Variants in USP34 observed in about 807,000 individuals in gnomAD.
USP34 encodes ubiquitin carboxyl-terminal hydrolase 34.
In USP34, 70 loss-of-function variants were observed where a neutral mutation model predicts 460.3. That is an observed-to-expected ratio of 0.15 (90% CI 0.13 to 0.19). USP34 has a LOEUF of 0.19. Among genes scored for constraint, USP34 ranks in the 10% least tolerant of loss-of-function variants. The pLI is 1.00. For missense variants in USP34, 3,985 were observed against 4,236.2 expected, an observed-to-expected ratio of 0.94 and a Z score of 1.65; for synonymous variants, 1,647 against 1,405.3, an observed-to-expected ratio of 1.17 and a Z score of -3.85.
At position 61,211,799 on chromosome 2, in the gene USP34, C is replaced by G; in HGVS notation, c.8813G>C (p.Gly2938Ala). ...TATTAAAGTAGTCCAGCAGGAGCGG[C>G]CATCTAAGCAACGTAAGTAACAACT... ...TISCYLRCLD[G>A]RSCWTTLISA... The change falls in exon 69 of 80, where the codon GGC becomes GCC. Residue 2938 changes from glycine (G) to alanine (A), a missense_variant. Gly to Ala is a moderately conservative substitution (Grantham distance 60). This residue lies in a region of USP34 where 275 missense variants were observed against 292.7 expected (regional missense o/e 0.94). Transcript: ENST00000398571. 1 of 1,587,122 alleles carries G rather than the reference C, an allele frequency of 6.3e-7. No individual in the cohort carries two copies. Among genetic ancestry groups the G allele is most frequent in the Non-Finnish European group, 8.5e-7 (1 of 1,171,648 alleles).
Position 61,188,551 on chromosome 2 carries a change from G to A in USP34, c.10192C>T (p.Pro3398Ser). Residue 3398 changes from proline (P) to serine (S), a missense_variant, in exon 80 of 80, where the codon CCA (proline) becomes TCA (serine). By Grantham distance (74) the Pro-to-Ser change is moderately conservative. This residue lies in a region of USP34 where 506 missense variants were observed against 439.0 expected (regional missense o/e 1.15). Transcript: ENST00000398571. The stretch of plus-strand genomic sequence containing the variant: ...GAAGGAAGATCTTGCTCAGTTCCTG[G>A]ATCAATAATTGAGGAGTCTCTGGTC... The part of the protein sequence containing the change: ...NETRDSSIID[P>S]GTEQDLPSPE... The A allele has an allele frequency of 6.2e-7, 1 of 1,614,178 alleles. No homozygotes were observed. The highest frequency in any genetic ancestry group is 8.5e-7 in the Non-Finnish European group (1 of 1,180,026).
At chr2:61,226,895 T>C (rs1056040888) in intron 62 of USP34, 172 bp downstream of exon 62, 7 of 779,220 alleles carry the variant, frequency 9.0e-6, no homozygotes, top group South Asian at 6.6e-5. Context: ...GCCACAAGAG[T>C]TGATGAATAG....
intron 34 of USP34, 94 bp downstream of exon 34, chr2:61,288,583 G>T: frequency 1.5e-6 from 2 of 1,319,692 alleles, no homozygotes; most frequent in African/African-American, 1.4e-5. Context: ...TTAAGTCACA[G>T]TAATCTAGAA....
At chr2:61,437,525 G>C (rs1377196704) in intron 1 of USP34, among the ~76,000 whole-genome samples, 1 of 152,072 alleles carries the variant, frequency 6.6e-6, no homozygotes, top group Non-Finnish European at 1.5e-5. Context: ...TGTAATCCCA[G>C]CACTTTGGCA....
At chr2:61,442,092 A>G (rs1229419857) in intron 1 of USP34, among the ~76,000 whole-genome samples, 1 of 152,104 alleles carries the variant, frequency 6.6e-6, no homozygotes, top group Non-Finnish European at 1.5e-5. Context: ...ATGAAACTAT[A>G]CCCTCACTCC....
At chr2:61,428,059 G>A (rs1694561822) in intron 1 of USP34, among the ~76,000 whole-genome samples, 1 of 151,792 alleles carries the variant, frequency 6.6e-6, no homozygotes, top group South Asian at 2.1e-4. Context: ...CAGCTACTTG[G>A]GAGGCTGAGG....
intron 10 of USP34, among the ~76,000 whole-genome samples, chr2:61,359,773 A>G (rs930841489): frequency 6.9e-6 from 1 of 145,434 alleles, no homozygotes; most frequent in African/African-American, 2.5e-5. Context: ...TGAAAAGCCC[A>G]CAGTTGTTTT....
chr2:61,259,753 C>T lies in USP34; in HGVS notation c.5802G>A (p.Lys1934=). The T allele has an allele frequency of 6.2e-7, 1 of 1,613,274 alleles. No homozygotes were observed. The highest frequency in any genetic ancestry group is 8.5e-7 in the Non-Finnish European group (1 of 1,179,900). ...TAKYSEDMKH[K]TTLLELQKMF... ...TTTTCTGAAGCTCCAGAAGAGTGGT[C>T]TTGTGCTTCATATCCTCTGAATACT... The change falls in exon 44 of 80, where the codon AAG becomes AAA. Residue 1934 remains lysine, a synonymous_variant. Transcript: ENST00000398571.
chr2:61,470,776 G>T lies in USP34; in HGVS notation c.-84C>A. The T allele has an allele frequency of 7.9e-7, 1 of 1,260,978 alleles. No individual in the cohort carries two copies. Among genetic ancestry groups the T allele is most frequent in the Non-Finnish European group, 1.1e-6 (1 of 896,542 alleles). 78.1% of individuals were successfully genotyped at this position (1,260,978 alleles called of 1,614,324 possible). On this transcript the variant is annotated 5_prime_UTR_variant, in exon 1 of 80. Transcript: ENST00000398571. ...GCGGGGGGGAGGGGAGAGAGGCGGA[G>T]GAGGGGGCCGGCCGGCCGGCGGGGC...
In USP34 at chr2:61,397,993, C is replaced by G. The variant is rs757492133; in HGVS notation, c.553-2760G>C. ...AAGGCACAAGAATCACTTGAACCCG[C>G]TTGGGGGAGGGGGGTTGCAGTGAGT... On this transcript the variant is annotated intron_variant, in intron 3 of 79. Transcript: ENST00000398571. Among the ~76,000 whole-genome samples the G allele has an allele frequency of 1.8e-4, 27 of 151,980 alleles. 1 individual carries two copies. Among genetic ancestry groups the G allele is most frequent in the African/African-American group, 2.4e-4 (10 of 41,380 alleles).
intron 19 of USP34, among the ~76,000 whole-genome samples, chr2:61,331,789 T>A (rs549462530): frequency 1.1e-4 from 16 of 146,430 alleles, no homozygotes; most frequent in African/African-American, 1.7e-4. Context: ...AAAATTTTTT[T>A]TAAAAAAATC....
At chr2:61,258,671 A>G (rs1688787979) in intron 44 of USP34, among the ~76,000 whole-genome samples, 1 of 152,230 alleles carries the variant, frequency 6.6e-6, no homozygotes, top group South Asian at 2.1e-4. Flanking sequence ...GGTGTGTGCC[A>G]TGGTGATGAG....
At chr2:61,226,412 C>T (rs1687729641) in intron 62 of USP34, among the ~76,000 whole-genome samples, 1 of 152,102 alleles carries the variant, frequency 6.6e-6, no homozygotes, top group Admixed American at 6.5e-5. Flanking sequence ...ATAGGAAATC[C>T]ACAAATAATG....
intron 48 of USP34, among the ~76,000 whole-genome samples, chr2:61,252,514 A>G (rs983884132): frequency 6.6e-6 from 1 of 152,248 alleles, no homozygotes; most frequent in Non-Finnish European, 1.5e-5. Context: ...CTGATTTACA[A>G]AAAAATGAAT....
At chr2:61,257,426 C>T (rs558397640) in intron 44 of USP34, 76 bp from the exon 45 acceptor site, 7 of 1,214,114 alleles carry the variant, frequency 5.8e-6, no homozygotes, top group Admixed American at 2.8e-5. Context: ...GAACATATAA[C>T]AAAAACAAAA....
At chr2:61,332,377 C>T (rs917969331) in intron 19 of USP34, among the ~76,000 whole-genome samples, 7 of 151,954 alleles carry the variant, frequency 4.6e-5, no homozygotes, top group African/African-American at 1.7e-4. Flanking sequence ...ATTTAGGATA[C>T]CAATCTCTTG....
rs370358689 is a variant in USP34 at position 61,288,796 on chromosome 2, G to A, written c.4630C>T (p.His1544Tyr). Residue 1544 changes from histidine (H) to tyrosine (Y), a missense_variant, in exon 34 of 80, where the codon CAT becomes TAT. By Grantham distance (83) the His-to-Tyr change is moderately conservative (BLOSUM62 2). Around this residue, in one of 14 missense-constraint regions of USP34, gnomAD observed 1,114 missense variants for 1,122.5 expected, o/e 0.99. Transcript: ENST00000398571. ...ATACCAGACCAGGCAAAGACATCATGATAAGCTAAATCCAAATCGGATGGA... is the reference window on the plus strand; with the variant it reads ...ATACCAGACCAGGCAAAGACATCATAATAAGCTAAATCCAAATCGGATGGA... ...VDPSDLDLAY[H>Y]DVFAWSGIAE... The A allele has an allele frequency of 6.2e-7, 1 of 1,613,974 alleles. No homozygotes were observed. The highest frequency in any genetic ancestry group is 1.1e-5 in the South Asian group (1 of 91,078).
At chr2:61,280,453 A>C (rs544226964) in intron 38 of USP34, 105 bp from the exon 39 acceptor site, 6 of 495,874 alleles carry the variant, frequency 1.2e-5, no homozygotes, top group South Asian at 7.4e-5. Context: ...TATATCCACT[A>C]AACAGTATTC....
intron 10 of USP34, among the ~76,000 whole-genome samples, chr2:61,357,458 T>A (rs1692141719): frequency 6.6e-6 from 1 of 152,068 alleles, no homozygotes; most frequent in Non-Finnish European, 1.5e-5. Context: ...AAACTTATGT[T>A]TACAAATGTA....
Sources: allele counts gnomAD v4.1 joint callset (sites outside exome capture counted in the v4.1 genomes callset), GRCh38; gene constraint gnomAD v4.1.1; regional missense constraint gnomAD v4.1.1; transcripts MANE v1.5; gene names NCBI Gene and HGNC (gene_info 2026-07-23, HGNC 2026-07-21).